LRRC9: variants seen among roughly 807,000 people sequenced by gnomAD.
LRRC9 encodes the protein leucine-rich repeat-containing protein 9.
A neutral mutation model predicts 63.2 loss-of-function variants in LRRC9; 122 were observed. The observed-to-expected ratio is 1.93, with a 90% CI of 1.67 to 2.24. The LOEUF (loss-of-function observed/expected upper bound fraction) is 2.24. Ranked by LOEUF, LRRC9 falls within the 30% of genes most tolerant of loss-of-function variation. The probability of loss-of-function intolerance (pLI) is 0.00; values close to 1 mark genes in which losing one functional copy is unlikely to be tolerated. For missense variants in LRRC9, 1,071 were observed against 627.7 expected, an observed-to-expected ratio of 1.71 and a Z score of -7.55; for synonymous variants, 366 against 213.1, an observed-to-expected ratio of 1.72 and a Z score of -6.25.
At chr14:59,928,998 G>C (rs1183823503) in intron 3 of LRRC9, among the ~76,000 whole-genome samples, 1 of 151,990 alleles carries the variant, frequency 6.6e-6, no homozygotes, top group Non-Finnish European at 1.5e-5. Flanking sequence ...ATATCATTCT[G>C]GACATAAGAA....
At chr14:59,941,004 T>C (rs1260694524) in intron 7 of LRRC9, among the ~76,000 whole-genome samples, 1 of 151,992 alleles carries the variant, frequency 6.6e-6, no homozygotes, top group Non-Finnish European at 1.5e-5. Flanking sequence ...TGCTATATAG[T>C]TACAGTTTAT....
At chr14:60,037,172 A>G (rs1214253221) in intron 29 of LRRC9, among the ~76,000 whole-genome samples, 1 of 152,092 alleles carries the variant, frequency 6.6e-6, no homozygotes, top group Admixed American at 6.6e-5. Context: ...TCAATGATGG[A>G]CATTCGGGTT....
At position 60,042,849 on chromosome 14, in the gene LRRC9, G is replaced by C. The variant is rs1893076477; in HGVS notation, c.3991-10216G>C. ...CGCTCACACTGGGAGCTGTAGACTG[G>C]AGCTGTTCCTATTAGGCCATCTTGG... On this transcript the variant is annotated intron_variant, in intron 29 of 31. Coordinates refer to ENST00000445360, the Ensembl canonical transcript of LRRC9. The surrounding 1 kb of genome is among the most constrained non-coding windows in gnomAD (Gnocchi z 4.2). 2.6e-5 allele frequency among the ~76,000 whole-genome samples: 4 copies of C among 152,158 alleles called. No individual in the cohort carries two copies. Among genetic ancestry groups the C allele is most frequent in the Admixed American group, 2.6e-4 (4 of 15,280 alleles).
intron 29 of LRRC9, among the ~76,000 whole-genome samples, chr14:60,043,420 T>C (rs1452178811): frequency 6.6e-6 from 1 of 152,214 alleles, no homozygotes; most frequent in Non-Finnish European, 1.5e-5. Flanking sequence ...ATTATGCTGC[T>C]AGTCATAGGT....
intron 23 of LRRC9, among the ~76,000 whole-genome samples, chr14:60,014,530 T>A (rs1239815384): frequency 6.6e-6 from 1 of 152,112 alleles, no homozygotes; most frequent in Non-Finnish European, 1.5e-5. Context: ...GGATATAGAA[T>A]TCTGGGTTGA....
intron 8 of LRRC9, among the ~76,000 whole-genome samples, chr14:59,949,482 G>T (rs1379491522): frequency 6.7e-6 from 1 of 149,926 alleles, no homozygotes; most frequent in Admixed American, 6.6e-5. Context: ...TTGATTTTTT[G>T]AAGGGTTTTT....
intron 17 of LRRC9, among the ~76,000 whole-genome samples, chr14:59,994,626 C>G (rs219358): frequency 0.75 from 113,835 of 152,054 alleles, 44,749 homozygotes; most frequent in Non-Finnish European, 0.87. Context: ...GTCCAACAAT[C>G]ATAGACTGGA....
intron 1 of LRRC9, 95 bp from the exon 1 acceptor site, chr14:59,920,049 C>G (rs559943200): frequency 3.3e-5 from 5 of 152,292 alleles, no homozygotes; most frequent in Admixed American, 2.0e-4. Context: ...GCTTCCCCCC[C>G]ACCCTTTTAT....
At chr14:59,944,017 T>C (rs1331524585) in intron 7 of LRRC9, among the ~76,000 whole-genome samples, 1 of 152,016 alleles carries the variant, frequency 6.6e-6, no homozygotes. Flanking sequence ...AATTAATCAA[T>C]TTATCATGAT....
At chr14:59,979,203 A>T (rs1886642736) in intron 15 of LRRC9, among the ~76,000 whole-genome samples, 2 of 152,166 alleles carry the variant, frequency 1.3e-5, no homozygotes, top group African/African-American at 2.4e-5. Flanking sequence ...GTTTGAGACC[A>T]GCCTGGGCAA....
intron 6 of LRRC9, among the ~76,000 whole-genome samples, chr14:59,934,964 T>C (rs1246793609): frequency 6.6e-6 from 1 of 151,946 alleles, no homozygotes; most frequent in Admixed American, 6.6e-5. Flanking sequence ...TTTTCAATCC[T>C]ACTAAGAATG....
At chr14:60,008,167 G>C in exon 23 of LRRC9, 1 of 701,766 alleles carries the variant, frequency 1.4e-6, no homozygotes, top group Non-Finnish European at 2.6e-6. Flanking sequence ...CCGGTTGTTT[G>C]TAATATTTCA....
intron 27 of LRRC9, among the ~76,000 whole-genome samples, chr14:60,024,879 T>A (rs1254579628): frequency 6.6e-6 from 1 of 151,832 alleles, no homozygotes; most frequent in East Asian, 1.9e-4. Flanking sequence ...TACTGTGTAC[T>A]TATTGCTTAG....
chr14:60,017,027 C>T lies in LRRC9; in HGVS notation c.3317+237C>T, dbSNP rs148571005. ...TCAATCGATCCTCCGACTATAGGCACGCACCACCAAGCATGGCTAATTTTC... is the reference window on the plus strand; with the variant it reads ...TCAATCGATCCTCCGACTATAGGCATGCACCACCAAGCATGGCTAATTTTC... On this transcript the variant is annotated intron_variant, in intron 24 of 31. Coordinates refer to ENST00000445360, the Ensembl canonical transcript of LRRC9. This position sits in a 1 kb window ranked among gnomAD's most constrained non-coding sequence, Gnocchi z 4.0. Among the ~76,000 whole-genome samples the T allele has an allele frequency of 1.6e-3, 239 of 151,976 alleles. No homozygotes were observed. Among genetic ancestry groups the T allele is most frequent in the African/African-American group, 5.3e-3 (220 of 41,452 alleles).
At chr14:60,000,432 A>C (rs1889246100) in intron 19 of LRRC9, among the ~76,000 whole-genome samples, 1 of 152,146 alleles carries the variant, frequency 6.6e-6, no homozygotes, top group African/African-American at 2.4e-5. Flanking sequence ...GTACCCCCTG[A>C]ATCTAAAATG....
intron 19 of LRRC9, among the ~76,000 whole-genome samples, 182 bp downstream of exon 19, chr14:59,999,408 T>C (rs560278265): frequency 5.3e-5 from 8 of 152,170 alleles, no homozygotes; most frequent in African/African-American, 1.7e-4. Flanking sequence ...AAATACCAAA[T>C]CGTTGTATGG....
Position 60,053,266 on chromosome 14 carries a change from A to T in LRRC9, c.4131+61A>T, listed in dbSNP as rs1894024370. The T allele has an allele frequency of 2.8e-5, 18 of 652,736 alleles. No individual in the cohort carries two copies. The South Asian group carries it at 3.0e-4, about 11-fold the overall frequency. The allele number at this position is 652,736 out of a possible 1,614,324, so 40.4% of individuals were successfully genotyped here. A position where few individuals can be genotyped will look rare whatever the true frequency, so the allele number is the denominator to read the frequency against. On this transcript the variant is annotated intron_variant, in intron 30 of 31. Transcript: ENST00000445360. The surrounding 1 kb of genome is among the most constrained non-coding windows in gnomAD (Gnocchi z 4.8). ...GCACATTAATGGTTAGTAAATGAAC[A>T]TTATATCTTTTGATTTAAATGTTTA...
In LRRC9 at chr14:59,992,119, A is replaced by G. The variant is rs1888209315; in HGVS notation, c.2212-5537A>G. ...GGTACTCCTCTGAGACAAAACTTCC[A>G]GAGGAATAATCAGGTAGCAACATTT... On this transcript the variant is annotated intron_variant, in intron 17 of 31. Coordinates refer to ENST00000445360, the Ensembl canonical transcript of LRRC9. 2.0e-5 allele frequency among the ~76,000 whole-genome samples: 3 copies of G among 152,188 alleles called. No individual in the cohort carries two copies. In the South Asian group the frequency reaches 6.2e-4, roughly 32 times the overall value.
chr14:59,952,919 T>A (rs1594859426), intron 8 of LRRC9, among the ~76,000 whole-genome samples: 1 of 152,200 alleles, frequency 6.6e-6, no homozygotes, highest in East Asian at 1.9e-4. Flanking sequence ...TTTGGTTTTC[T>A]GTTCCTGTGT....
Sources: gnomAD v4.1 joint callset for allele counts (sites outside exome capture counted in the v4.1 genomes callset) on GRCh38, gnomAD v4.1.1 for gene constraint, Gnocchi (gnomAD v3.1) non-coding constraint, MANE v1.5 for transcripts, NCBI Gene and HGNC (gene_info 2026-07-23, HGNC 2026-07-21) for gene names.